CACNA1S: variants seen among roughly 807,000 people sequenced by gnomAD.
The protein encoded by CACNA1S is calcium voltage-gated channel subunit alpha1 S, also known as voltage-dependent L-type calcium channel subunit alpha-1S.
In CACNA1S, 126 loss-of-function variants were observed where a neutral mutation model predicts 207.4. That is an observed-to-expected ratio of 0.61 (90% CI 0.53 to 0.70). The LOEUF is 0.70. Ranked by LOEUF, CACNA1S falls within the 30% of genes least tolerant of loss-of-function variation. The probability of loss-of-function intolerance (pLI) is 0.00; values close to 1 mark genes in which losing one functional copy is unlikely to be tolerated. For synonymous variants in CACNA1S, 960 were observed against 932.7 expected (o/e 1.03, Z -0.53); for missense variants, 2,349 against 2,422.8 (o/e 0.97, Z 0.64).
chr1:201,087,751 G>T (rs534820326), intron 7 of CACNA1S, 75 bp downstream of exon 7: 30 of 724,126 alleles, frequency 4.1e-5, no homozygotes, highest in South Asian at 1.5e-4. Flanking sequence ...TTTTCCCTCC[G>T]TTCCTTTTCC....
chr1:201,062,572 A>C lies in CACNA1S; in HGVS notation c.2854-58T>G, dbSNP rs532794937. On this transcript the variant is annotated intron_variant, in intron 22 of 43. Coordinates refer to ENST00000362061, the MANE Select transcript of CACNA1S (RefSeq NM_000069.3). ...GCATGTTGTCATGGAAACAGGATAGAAAAGTGGGCTCTGGGAGTGAACAGT... is the reference window on the plus strand; with the variant it reads ...GCATGTTGTCATGGAAACAGGATAGCAAAGTGGGCTCTGGGAGTGAACAGT... The C allele has an allele frequency of 8.9e-5, 137 of 1,539,448 alleles. 5 individuals carry two copies. The South Asian group carries it at 1.4e-3, about 16-fold the overall frequency.
chr1:201,046,501 T>A (rs986263907), intron 38 of CACNA1S, among the ~76,000 whole-genome samples: 2 of 151,596 alleles, frequency 1.3e-5, no homozygotes, highest in African/African-American at 4.9e-5. Context: ...TGGAACATTT[T>A]AAGAGCCCTT....
Position 201,110,202 on chromosome 1 carries a change from T to TG in CACNA1S, c.219dup (p.Met74HisfsTer5). The TG allele has an allele frequency of 6.2e-7, 1 of 1,614,172 alleles. No individual in the cohort carries two copies. The highest frequency in any genetic ancestry group is 2.2e-5 in the East Asian group (1 of 44,874). On this transcript the variant is annotated frameshift_variant, in exon 2 of 44. Coordinates refer to ENST00000362061, the MANE Select transcript of CACNA1S (RefSeq NM_000069.3). LOFTEE classifies it high-confidence loss of function. ...AGAGAGTTGTTGTCATCTTCCGGCA[T>TG]GGGCAGGTACACGGCCAGGGCCACA...
chr1:201,049,277 G>A (rs1338651882), intron 34 of CACNA1S, among the ~76,000 whole-genome samples, 178 bp from the exon 35 acceptor site: 1 of 152,234 alleles, frequency 6.6e-6, no homozygotes, highest in African/African-American at 2.4e-5. Flanking sequence ...ACAATGTTAG[G>A]ATTAACTGTT....
chr1:201,059,330 G>A, intron 26 of CACNA1S, 31 bp from the exon 27 acceptor site: 2 of 1,474,916 alleles, frequency 1.4e-6, no homozygotes, highest in Non-Finnish European at 1.9e-6. Context: ...CAGTGGGTCA[G>A]GGGGGCCGGG....
intron 12 of CACNA1S, 65 bp from the exon 13 acceptor site, chr1:201,075,680 G>C (rs563113326): frequency 1.3e-6 from 2 of 1,553,756 alleles, no homozygotes; most frequent in Non-Finnish European, 1.8e-6. Context: ...TATTGGGACC[G>C]CATTGACCGA....
chr1:201,039,837 C>A lies in CACNA1S; in HGVS notation c.5616G>T (p.Arg1872Ser). ...TGCTGATGCTGTGTGGGCATCACAG[C>A]CTTGGAGGAATAAGGGTCTCCTGGG... ...QGSQETLIPP[R>S]L Residue 1872 changes from arginine to serine, a missense_variant, in exon 44 of 44, where the codon AGG becomes AGT. Coordinates refer to ENST00000362061, the MANE Select transcript of CACNA1S (RefSeq NM_000069.3). 1 of 1,604,594 alleles carries A rather than the reference C, an allele frequency of 6.2e-7. No homozygotes were observed.
intron 3 of CACNA1S, 148 bp from the exon 4 acceptor site, chr1:201,092,262 T>C (rs991328318): frequency 2.7e-6 from 2 of 752,036 alleles, no homozygotes; most frequent in African/African-American, 3.5e-5. Context: ...AACTAACAAA[T>C]GATCTGATCA....
chr1:201,109,054 C>A (rs1019199745), intron 2 of CACNA1S, among the ~76,000 whole-genome samples: 18 of 152,136 alleles, frequency 1.2e-4, no homozygotes, highest in Middle Eastern at 3.2e-3. Context: ...TCGAGGCCAG[C>A]CTGGCCAACA....
rs180853330 is a variant in CACNA1S at position 201,041,959 on chromosome 1, C to T, written c.5049-370G>A. On this transcript the variant is annotated intron_variant, in intron 40 of 43. Transcript: ENST00000362061. ...GTGAGTGGTGGCTGAGTCCCACACC[C>T]AGCATCTGTGGTGAGGCCCAGGCAT... 3.1e-4 allele frequency: 113 copies of T among 365,276 alleles called. 2 individuals are homozygous for T. The highest frequency in any genetic ancestry group is 1.1e-3 in the South Asian group (47 of 41,446). 22.6% of individuals were successfully genotyped at this position (365,276 alleles called of 1,614,324 possible).
chr1:201,103,521 G>C (rs77076086), intron 2 of CACNA1S, among the ~76,000 whole-genome samples: 21,847 of 152,164 alleles, frequency 0.14, 1,697 homozygotes, highest in Admixed American at 0.22. Context: ...GGATGGGCGG[G>C]GGAGAATCTA....
chr1:201,068,335 C>A (rs957970714), intron 19 of CACNA1S, among the ~76,000 whole-genome samples: 5 of 145,142 alleles, frequency 3.4e-5, no homozygotes, highest in Non-Finnish European at 7.5e-5. Context: ...CTCTGCCTCC[C>A]AGGTTCAAGC....
At chr1:201,098,247 AG>A (rs1053749349) in intron 2 of CACNA1S, among the ~76,000 whole-genome samples, 20 of 152,204 alleles carry the variant, frequency 1.3e-4, no homozygotes, top group Non-Finnish European at 4.4e-5. Context: ...CTGCTGCTAG[AG>A]GTGCAGGCTG....
intron 9 of CACNA1S, 31 bp from the exon 10 acceptor site, chr1:201,083,353 T>A (rs748241008): frequency 6.2e-7 from 1 of 1,612,326 alleles, no homozygotes; most frequent in South Asian, 1.1e-5. Context: ...TGGTCTACAG[T>A]GCTGTGCTGT....
At chr1:201,043,136 A>C (rs1315547872) in intron 40 of CACNA1S, 145 bp downstream of exon 40, 3 of 1,079,868 alleles carry the variant, frequency 2.8e-6, no homozygotes, top group East Asian at 2.4e-5. Flanking sequence ...GGCCTCTTAC[A>C]TTAAGGTTCA....
chr1:201,076,487 G>C (rs1661628639), intron 12 of CACNA1S, among the ~76,000 whole-genome samples: 1 of 152,258 alleles, frequency 6.6e-6, no homozygotes, highest in South Asian at 2.1e-4. Context: ...GGCTGATAGT[G>C]AATCGGCTGT....
chr1:201,058,955 G>A (rs887551116), intron 27 of CACNA1S, among the ~76,000 whole-genome samples: 2 of 152,218 alleles, frequency 1.3e-5, no homozygotes, highest in African/African-American at 4.8e-5. Context: ...GAATGTAAGA[G>A]AAGCTCCAAG....
chr1:201,067,815 C>A (rs572524854), intron 19 of CACNA1S, among the ~76,000 whole-genome samples: 1 of 152,334 alleles, frequency 6.6e-6, no homozygotes, highest in African/African-American at 2.4e-5. Flanking sequence ...CTCGAGGAAG[C>A]CACCATCTCC....
intron 6 of CACNA1S, 30 bp from the exon 7 acceptor site, chr1:201,087,959 G>T: frequency 2.0e-6 from 3 of 1,463,816 alleles, no homozygotes; most frequent in Non-Finnish European, 9.5e-7. Flanking sequence ...GATCCTCTGA[G>T]TTGAGGGCTT....
Sources: gnomAD v4.1 joint callset for allele counts (sites outside exome capture counted in the v4.1 genomes callset) on GRCh38, gnomAD v4.1.1 for gene constraint, MANE v1.5 for transcripts, NCBI Gene and HGNC (gene_info 2026-07-23, HGNC 2026-07-21) for gene names.